Variants in CACNB2 observed in about 807,000 individuals in gnomAD.
The protein encoded by CACNB2 is voltage-dependent L-type calcium channel subunit beta-2.
In CACNB2, 42 loss-of-function variants were observed where a neutral mutation model predicts 73.3. The observed-to-expected ratio is 0.57, with a 90% CI of 0.45 to 0.74. The LOEUF is 0.74. Ranked by LOEUF, CACNB2 falls within the 30% of genes least tolerant of loss-of-function variation. The pLI, the probability that CACNB2 is intolerant of heterozygous loss-of-function variation, is 0.00. For synonymous variants in CACNB2, 348 were observed against 310.3 expected, an observed-to-expected ratio of 1.12 and a Z score of -1.28; for missense variants, 940 against 853.0, an observed-to-expected ratio of 1.10 and a Z score of -1.27.
chr10:18,255,271 A>T (rs1320107725), intron 2 of CACNB2, among the ~76,000 whole-genome samples: 6 of 152,076 alleles, frequency 3.9e-5, no homozygotes, highest in Non-Finnish European at 8.8e-5. Context: ...CCAACTGCTT[A>T]AGCTGGGCCT....
chr10:18,166,475 C>T (rs1193705653), intron 2 of CACNB2, among the ~76,000 whole-genome samples: 9 of 152,236 alleles, frequency 5.9e-5, no homozygotes, highest in Admixed American at 5.9e-4. Flanking sequence ...ATCTGCCCAC[C>T]TCAGCCTCCC....
chr10:18,180,757 G>A (rs1318088360), intron 2 of CACNB2, among the ~76,000 whole-genome samples: 1 of 152,052 alleles, frequency 6.6e-6, no homozygotes, highest in Non-Finnish European at 1.5e-5. Flanking sequence ...ACGAGGTCAG[G>A]AGATCGAGAC....
intron 2 of CACNB2, among the ~76,000 whole-genome samples, chr10:18,367,271 A>G (rs2042394493): frequency 6.6e-6 from 1 of 152,126 alleles, no homozygotes; most frequent in Admixed American, 6.6e-5. Context: ...AAAGTTTGAA[A>G]TGAACACATT....
At chr10:18,372,264 A>G (rs565047069) in intron 2 of CACNB2, among the ~76,000 whole-genome samples, 2 of 152,186 alleles carry the variant, frequency 1.3e-5, no homozygotes, top group African/African-American at 4.8e-5. Context: ...TGTTTTAGAC[A>G]TGAAGTCCTT....
chr10:18,518,323 CCT>C lies in CACNB2; in HGVS notation c.805-6_805-5del. 2 of 1,597,084 alleles carry C rather than the reference CCT, an allele frequency of 1.3e-6. No homozygotes were observed. The highest frequency in any genetic ancestry group is 8.6e-7 in the Non-Finnish European group (1 of 1,164,470). On this transcript the variant is annotated splice_polypyrimidine_tract_variant and intron_variant, in intron 7 of 13. Transcript: ENST00000324631. ...GCCTGTGAAACGTCTAAAAGCCTCT[CCT>C]CTCTCTGCAGACAGAGCACACTCCT...
At chr10:18,397,730 A>G (rs1004978182) in intron 2 of CACNB2, among the ~76,000 whole-genome samples, 2 of 151,700 alleles carry the variant, frequency 1.3e-5, no homozygotes, top group Non-Finnish European at 1.5e-5. Context: ...CAAAAAAAAA[A>G]AAAAAAAAAA....
chr10:18,259,652 G>C (rs2037445325), intron 2 of CACNB2, among the ~76,000 whole-genome samples: 1 of 150,706 alleles, frequency 6.6e-6, no homozygotes, highest in Non-Finnish European at 1.5e-5. Flanking sequence ...AATTGCTTGA[G>C]CCCTGGAGGT....
At chr10:18,342,099 G>T (rs1021753154) in intron 2 of CACNB2, among the ~76,000 whole-genome samples, 8 of 152,112 alleles carry the variant, frequency 5.3e-5, no homozygotes, top group Non-Finnish European at 7.3e-5. Context: ...GTACCTGTTT[G>T]AGTACATCTG....
intron 1 of CACNB2, among the ~76,000 whole-genome samples, chr10:18,148,104 A>AG (rs397717981): frequency 1.3e-5 from 2 of 151,948 alleles, no homozygotes; most frequent in Non-Finnish European, 2.9e-5. Context: ...TTAAAAAAAA[A>AG]GAAACTTTAG....
intron 2 of CACNB2, among the ~76,000 whole-genome samples, chr10:18,221,816 T>C (rs780578917): frequency 1.1e-4 from 16 of 152,260 alleles, no homozygotes; most frequent in Non-Finnish European, 2.2e-4. Flanking sequence ...GTTTTCTTTT[T>C]ATCCATGGAA....
intron 2 of CACNB2, among the ~76,000 whole-genome samples, chr10:18,255,994 G>T (rs74117933): frequency 1.3e-5 from 2 of 152,208 alleles, no homozygotes; most frequent in South Asian, 4.1e-4. Flanking sequence ...AACATAGAAA[G>T]TGAATAGTAA....
At chr10:18,140,957 G>A in intron 1 of CACNB2, 101 bp downstream of exon 1, 3 of 1,523,170 alleles carry the variant, frequency 2.0e-6, no homozygotes, top group Non-Finnish European at 1.8e-6. Context: ...CTCTAGCCTC[G>A]CACCTCCTCC....
At position 18,539,842 on chromosome 10, in the gene CACNB2, T is replaced by C. The variant is rs982717423; in HGVS notation, c.*118T>C. On this transcript the variant is annotated 3_prime_UTR_variant, in exon 14 of 14. Transcript: ENST00000324631. ...ATCATATGTGATCTGTCTTGTAATA[T>C]TTTGTATTATTGCTGTTGCTTGAAT... The C allele has an allele frequency of 5.6e-6, 6 of 1,063,536 alleles. No homozygotes were observed. The South Asian group carries it at 6.1e-5, about 11-fold the overall frequency. 65.9% of individuals were successfully genotyped at this position (1,063,536 alleles called of 1,614,324 possible). A position where few individuals can be genotyped will look rare whatever the true frequency, so the allele number is the denominator to read the frequency against.
intron 2 of CACNB2, among the ~76,000 whole-genome samples, chr10:18,304,989 G>A (rs1024329413): frequency 6.6e-6 from 1 of 152,170 alleles, no homozygotes; most frequent in Non-Finnish European, 1.5e-5. Flanking sequence ...AGAAGTTTAG[G>A]ACTCATTACT....
intron 2 of CACNB2, among the ~76,000 whole-genome samples, chr10:18,227,186 G>A (rs1424178810): frequency 6.6e-6 from 1 of 152,122 alleles, no homozygotes; most frequent in Admixed American, 6.6e-5. Context: ...CAGCAAACTG[G>A]GTCTTGGTGA....
intron 3 of CACNB2, among the ~76,000 whole-genome samples, chr10:18,411,728 G>A (rs770643968): frequency 7.9e-5 from 12 of 152,016 alleles, no homozygotes; most frequent in Admixed American, 2.6e-4. Context: ...GGCTGTTCTC[G>A]AACTCCTGAC....
At chr10:18,449,974 A>C (rs1267391225) in intron 3 of CACNB2, among the ~76,000 whole-genome samples, 1 of 152,232 alleles carries the variant, frequency 6.6e-6, no homozygotes, top group Non-Finnish European at 1.5e-5. Flanking sequence ...ACCAGCGTGG[A>C]AGACCCGGGG....
intron 2 of CACNB2, among the ~76,000 whole-genome samples, chr10:18,197,424 T>G (rs1306144320): frequency 6.6e-6 from 1 of 152,194 alleles, no homozygotes; most frequent in Non-Finnish European, 1.5e-5. Flanking sequence ...CTGACAGAAC[T>G]GAAAGTCCAG....
intron 2 of CACNB2, among the ~76,000 whole-genome samples, chr10:18,244,042 G>A (rs1478836169): frequency 6.6e-6 from 1 of 152,132 alleles, no homozygotes; most frequent in Non-Finnish European, 1.5e-5. Context: ...CTGCATTGCT[G>A]GGGAGAACTA....
Sources: gnomAD v4.1 joint callset for allele counts (sites outside exome capture counted in the v4.1 genomes callset) on GRCh38, gnomAD v4.1.1 for gene constraint, MANE v1.5 for transcripts, NCBI Gene and HGNC (gene_info 2026-07-23, HGNC 2026-07-21) for gene names.